DUSP22: variants seen among roughly 807,000 people sequenced by gnomAD.
DUSP22 encodes the protein dual specificity phosphatase 22.
Under a neutral mutation model 24.5 loss-of-function variants are expected in DUSP22, and 24 were observed. The observed-to-expected ratio is 0.98, with a 90% CI of 0.71 to 1.38. DUSP22 has a LOEUF of 1.38. DUSP22 is among the 40% of genes most tolerant of loss of function. The probability of loss-of-function intolerance (pLI) is 0.00; values close to 1 mark genes in which losing one functional copy is unlikely to be tolerated. For missense variants in DUSP22, 330 were observed against 269.2 expected (o/e 1.23, Z -1.58); for synonymous variants, 160 against 106.4 (o/e 1.50, Z -3.10).
At chr6:343,097 T>G (rs1759686504) in intron 4 of DUSP22, among the ~76,000 whole-genome samples, 2 of 152,030 alleles carry the variant, frequency 1.3e-5, no homozygotes, top group Non-Finnish European at 1.5e-5. Context: ...GGAGTGTCCT[T>G]CGGCACTGAT....
intron 3 of DUSP22, among the ~76,000 whole-genome samples, chr6:315,496 G>A (rs528115241): frequency 8.6e-4 from 131 of 152,366 alleles, no homozygotes; most frequent in African/African-American, 3.0e-3. Flanking sequence ...CACTGCCTCT[G>A]TTCTCTCCTA....
At chr6:343,046 A>G (rs576320482) in intron 4 of DUSP22, among the ~76,000 whole-genome samples, 2 of 150,334 alleles carry the variant, frequency 1.3e-5, no homozygotes, top group East Asian at 3.9e-4. Context: ...ACTCTGCTGT[A>G]TACTTGGCTT....
chr6:326,769 G>A (rs1229627442), intron 3 of DUSP22, among the ~76,000 whole-genome samples: 2 of 152,300 alleles, frequency 1.3e-5, no homozygotes, highest in African/African-American at 4.8e-5. Context: ...GTGTTCAAGG[G>A]AAATCCTTCT....
Position 350,749 on chromosome 6 carries a change from C to A in DUSP22, c.*1798C>A. 6.2e-7 allele frequency: 1 copy of A among 1,613,642 alleles called. No homozygotes were observed. The highest frequency in any genetic ancestry group is 2.2e-5 in the East Asian group (1 of 44,864). On this transcript the variant is annotated 3_prime_UTR_variant, in exon 7 of 7. Transcript: ENST00000419235. ...GCTTAAATATGTGCACCTTTACAAA[C>A]CTCTCAGTGTATTCTTGGAGTTCTT...
At chr6:300,036 T>C (rs1312398115) in intron 1 of DUSP22, among the ~76,000 whole-genome samples, 1 of 152,304 alleles carries the variant, frequency 6.6e-6, no homozygotes, top group Non-Finnish European at 1.5e-5. Flanking sequence ...ACAAAGAAGA[T>C]ACAGGCAGCA....
intron 2 of DUSP22, among the ~76,000 whole-genome samples, chr6:305,707 A>G (rs1187833397): frequency 6.6e-6 from 1 of 152,298 alleles, no homozygotes; most frequent in Non-Finnish European, 1.5e-5. Flanking sequence ...AATCACTGAG[A>G]TGAGGTGGGA....
rs1256057282 is a variant in DUSP22, at chr6:345,246, GT to G, written c.189-606del. ...TTTCTTTTTTTTTTTTTTTTCCTCT[GT>G]TGCCCAGGCTGGAGTGCAGTCGTGT... On this transcript the variant is annotated intron_variant, in intron 4 of 6. Coordinates refer to ENST00000419235, the MANE Select transcript of DUSP22 (RefSeq NM_001286555.3). Among the ~76,000 whole-genome samples, 10 of 138,898 alleles carry G rather than the reference GT, an allele frequency of 7.2e-5. No individual in the cohort carries two copies. In the Admixed American group the frequency reaches 7.5e-4, roughly 10 times the overall value. 91.1% of individuals were successfully genotyped at this position (138,898 alleles called of 152,430 possible).
At chr6:317,683 C>G (rs1349694140) in intron 3 of DUSP22, among the ~76,000 whole-genome samples, 1 of 152,304 alleles carries the variant, frequency 6.6e-6, no homozygotes, top group South Asian at 2.1e-4. Context: ...TGTTCATGGC[C>G]CACATCGGGC....
intron 6 of DUSP22, 58 bp from the exon 7 acceptor site, chr6:348,711 C>A: frequency 6.2e-7 from 1 of 1,606,034 alleles, no homozygotes; most frequent in Non-Finnish European, 8.5e-7. Flanking sequence ...TGCAAGCCCA[C>A]GTGGATGCAG....
intron 5 of DUSP22, among the ~76,000 whole-genome samples, chr6:346,578 C>T (rs941603308): frequency 2.6e-5 from 4 of 152,422 alleles, no homozygotes; most frequent in East Asian, 1.9e-4. Flanking sequence ...TATGACCACT[C>T]GTAATCATGC....
intron 3 of DUSP22, among the ~76,000 whole-genome samples, chr6:333,803 C>T (rs983284577): frequency 2.0e-5 from 3 of 152,304 alleles, no homozygotes; most frequent in Non-Finnish European, 4.4e-5. Flanking sequence ...ACGTGTGCTT[C>T]CCGGATCCCA....
chr6:345,871 A>G lies in DUSP22; in HGVS notation c.206A>G (p.Glu69Gly). 6.2e-7 allele frequency: 1 copy of G among 1,614,264 alleles called. No homozygotes were observed. Among genetic ancestry groups the G allele is most frequent in the Non-Finnish European group, 8.5e-7 (1 of 1,180,024 alleles). ...PSQNLTRHFK[E>G]SIKFIHECRL... ...TTTCCCAGGACAAGACATTTCAAAG[A>G]AAGTATTAAATTCATTCACGAGTGC... The change falls in exon 5 of 7, where the codon GAA becomes GGA. Residue 69 changes from glutamate (E) to glycine (G), a missense_variant. Coordinates refer to ENST00000419235, the MANE Select transcript of DUSP22 (RefSeq NM_001286555.3).
At chr6:313,060 A>G (rs1301162200) in intron 3 of DUSP22, among the ~76,000 whole-genome samples, 3 of 151,354 alleles carry the variant, frequency 2.0e-5, no homozygotes, top group East Asian at 1.9e-4. Flanking sequence ...TTTGGAGCCT[A>G]ACAGTTCCTT....
chr6:350,528 T>G lies in DUSP22; in HGVS notation c.*1577T>G, dbSNP rs1241944487. 7.5e-7 allele frequency: 1 copy of G among 1,329,316 alleles called. No individual in the cohort carries two copies. The highest frequency in any genetic ancestry group is 9.6e-7 in the Non-Finnish European group (1 of 1,039,012). 82.3% of individuals were successfully genotyped at this position (1,329,316 alleles called of 1,614,324 possible). ...TAGAGGGTGTGTCAAAGGTGAGCTT[T>G]TTGGGGACCGGGAAAAACAAAGTTG... On this transcript the variant is annotated 3_prime_UTR_variant, in exon 7 of 7. Transcript: ENST00000419235.
At chr6:344,971 C>T (rs148945538) in intron 4 of DUSP22, among the ~76,000 whole-genome samples, 194 of 152,362 alleles carry the variant, frequency 1.3e-3, no homozygotes, top group Admixed American at 6.0e-3. Context: ...TGAGGGGCTC[C>T]GATTGAACAT....
intron 1 of DUSP22, among the ~76,000 whole-genome samples, chr6:299,092 A>C (rs991251729): frequency 6.6e-6 from 1 of 152,306 alleles, no homozygotes; most frequent in African/African-American, 2.4e-5. Flanking sequence ...GCTTAGCACC[A>C]ATTCTGTGCT....
At chr6:314,719 A>G (rs536656422) in intron 3 of DUSP22, among the ~76,000 whole-genome samples, 274 of 152,326 alleles carry the variant, frequency 1.8e-3, no homozygotes, top group Non-Finnish European at 3.0e-3. Context: ...GCCGGGAGAC[A>G]TTGTATGTGC....
chr6:313,448 C>T (rs1158225137), intron 3 of DUSP22, among the ~76,000 whole-genome samples: 1 of 152,306 alleles, frequency 6.6e-6, no homozygotes. Context: ...GGTTTGTAAC[C>T]CAGGTATAAA....
At chr6:325,751 G>A (rs6901792) in intron 3 of DUSP22, 1,469 of 240,402 alleles carry the variant, frequency 6.1e-3, no homozygotes, top group South Asian at 8.5e-3. Context: ...CTGGTGCCTG[G>A]AGAGTCATCT....
Sources: gnomAD v4.1 joint callset for allele counts (sites outside exome capture counted in the v4.1 genomes callset) on GRCh38, gnomAD v4.1.1 for gene constraint, MANE v1.5 for transcripts, NCBI Gene and HGNC (gene_info 2026-07-23, HGNC 2026-07-21) for gene names.